The following GALNT2 variants were observed in gnomAD, a reference collection of about 807,000 sequenced individuals.
GALNT2 encodes the protein polypeptide N-acetylgalactosaminyltransferase 2.
Under a neutral mutation model 81.4 loss-of-function variants are expected in GALNT2, and 31 were observed. The observed-to-expected ratio is 0.38, with a 90% CI of 0.29 to 0.51. GALNT2 has a LOEUF of 0.51. GALNT2 is among the 20% of genes least tolerant of loss of function. GALNT2 has a pLI of 0.87. For missense variants in GALNT2, 629 were observed against 765.7 expected (o/e 0.82, Z 2.11); for synonymous variants, 303 against 287.4 (o/e 1.05, Z -0.55).
intron 1 of GALNT2, among the ~76,000 whole-genome samples, chr1:230,158,200 A>G (rs2102843576): frequency 6.6e-6 from 1 of 152,216 alleles, no homozygotes; most frequent in Non-Finnish European, 1.5e-5. Context: ...GCAGGGGGGC[A>G]GGATGAAGGG....
intron 1 of GALNT2, among the ~76,000 whole-genome samples, chr1:230,067,843 A>T (rs1035538154): frequency 6.6e-6 from 1 of 152,102 alleles, no homozygotes; most frequent in Admixed American, 6.5e-5. Flanking sequence ...CAGCCCTTTG[A>T]TACCAGCGGC....
At chr1:230,096,088 C>G (rs1660247475) in intron 1 of GALNT2, among the ~76,000 whole-genome samples, 1 of 152,184 alleles carries the variant, frequency 6.6e-6, no homozygotes. Flanking sequence ...CAGGGATTTG[C>G]CCTGCTGCAG....
In GALNT2 at chr1:230,220,066, A is replaced by G. The variant is rs1443879410; in HGVS notation, c.375-15948A>G. On this transcript the variant is annotated intron_variant, in intron 3 of 15. Transcript: ENST00000366672. ...TAAAAAAATATCTAGAGAGCTATTA[A>G]TGACATATACACAATTTGTGAAATA... is the stretch of plus-strand genomic sequence containing the variant. Among the ~76,000 whole-genome samples the G allele has an allele frequency of 3.3e-5, 5 of 152,362 alleles. No homozygotes were observed. In the South Asian group the frequency reaches 8.3e-4, roughly 25 times the overall value.
At position 230,236,698 on chromosome 1, in the gene GALNT2, C is replaced by T. The variant is rs750040941; in HGVS notation, c.580C>T (p.Arg194Ter). ...GALLGKIEKV[R>*]VLRNDRREGL... Reference sequence around the variant, plus strand: ...TCTCTTGGGGAAAATTGAGAAAGTGCGAGTTCTTAGAAATGATCGACGAGA... The same window carrying T: ...TCTCTTGGGGAAAATTGAGAAAGTGTGAGTTCTTAGAAATGATCGACGAGA... Residue 194 changes from arginine to a stop codon, truncating the protein, a stop_gained, in exon 6 of 16, where the codon CGA becomes TGA. Transcript: ENST00000366672. LOFTEE classifies it high-confidence loss of function. The T allele has an allele frequency of 3.7e-6, 6 of 1,613,612 alleles. No individual in the cohort carries two copies. Among genetic ancestry groups the T allele is most frequent in the Non-Finnish European group, 4.2e-6 (5 of 1,179,908 alleles).
At chr1:230,217,542 T>G (rs1184785232) in intron 3 of GALNT2, among the ~76,000 whole-genome samples, 1 of 152,216 alleles carries the variant, frequency 6.6e-6, no homozygotes, top group Non-Finnish European at 1.5e-5. Flanking sequence ...TGGCTTTGTC[T>G]CTGTCATAGT....
intron 1 of GALNT2, among the ~76,000 whole-genome samples, chr1:230,107,257 G>C (rs1660570133): frequency 6.6e-6 from 1 of 152,200 alleles, no homozygotes; most frequent in African/African-American, 2.4e-5. Context: ...CAGACTGGGA[G>C]GGATTCTACT....
In GALNT2 at chr1:230,174,757, C is replaced by T. The variant is rs145357830; in HGVS notation, c.127-3461C>T. Among the ~76,000 whole-genome samples, 14 of 152,288 alleles carry T rather than the reference C, an allele frequency of 9.2e-5. No homozygotes were observed. The East Asian group carries it at 2.7e-3, about 29-fold the overall frequency. ...CTCTCTTGTGCCCTCTAGTCTGCCC[C>T]CACCTTATAGCCATAGTGATATTTC... On this transcript the variant is annotated intron_variant, in intron 1 of 15. Coordinates refer to ENST00000366672, the MANE Select transcript of GALNT2 (RefSeq NM_004481.5).
intron 1 of GALNT2, among the ~76,000 whole-genome samples, chr1:230,059,845 G>A (rs1262737938): frequency 2.0e-5 from 3 of 151,956 alleles, no homozygotes; most frequent in African/African-American, 7.3e-5. Flanking sequence ...TGTATGTCAT[G>A]CCCCCTTAAC....
chr1:230,166,230 A>G (rs78938043), intron 1 of GALNT2, among the ~76,000 whole-genome samples: 1 of 152,252 alleles, frequency 6.6e-6, no homozygotes, highest in Admixed American at 6.5e-5. Flanking sequence ...AGCAAAGAAA[A>G]TGTTAATGAG....
intron 3 of GALNT2, among the ~76,000 whole-genome samples, chr1:230,205,635 T>C (rs1002677251): frequency 2.0e-5 from 3 of 152,300 alleles, no homozygotes; most frequent in Non-Finnish European, 4.4e-5. Flanking sequence ...CAGGGAGCCA[T>C]GCATGGGCTT....
rs1234040435 is a variant in GALNT2 at position 230,198,868 on chromosome 1, C to T, written c.221-4269C>T. On this transcript the variant is annotated intron_variant, in intron 2 of 15. Coordinates refer to ENST00000366672, the MANE Select transcript of GALNT2 (RefSeq NM_004481.5). ...CCTTATTTAATAAGCAAACTTTTCG[C>T]AGCCCTTTTTAGGATAATGCTCTCT... is the stretch of plus-strand genomic sequence containing the variant. 2.6e-5 allele frequency among the ~76,000 whole-genome samples: 4 copies of T among 152,158 alleles called. No homozygotes were observed. The East Asian group carries it at 7.7e-4, about 29-fold the overall frequency.
chr1:230,096,444 G>T (rs990646454), intron 1 of GALNT2, among the ~76,000 whole-genome samples: 1 of 152,120 alleles, frequency 6.6e-6, no homozygotes, highest in Non-Finnish European at 1.5e-5. Flanking sequence ...GGCCAGAGGT[G>T]TCTGCGTCTC....
intron 1 of GALNT2, among the ~76,000 whole-genome samples, chr1:230,105,307 G>T (rs1306443582): frequency 1.1e-4 from 17 of 152,194 alleles, no homozygotes; most frequent in Non-Finnish European, 2.1e-4. Flanking sequence ...GACTCAAGCT[G>T]GTTTTAGACA....
chr1:230,215,065 A>G (rs1664346612), intron 3 of GALNT2, among the ~76,000 whole-genome samples: 2 of 152,226 alleles, frequency 1.3e-5, no homozygotes, highest in African/African-American at 4.8e-5. Context: ...ACCTTAATCA[A>G]GTCTGGAATT....
chr1:230,087,582 A>G (rs576038845), intron 1 of GALNT2, among the ~76,000 whole-genome samples: 5 of 152,354 alleles, frequency 3.3e-5, no homozygotes, highest in African/African-American at 1.2e-4. Flanking sequence ...AGACTGATTC[A>G]GTCAGAATGT....
intron 1 of GALNT2, among the ~76,000 whole-genome samples, chr1:230,172,882 T>C (rs924055435): frequency 5.3e-5 from 8 of 152,246 alleles, no homozygotes; most frequent in Admixed American, 1.3e-4. Context: ...GTCATTGCTA[T>C]TTTATGTACT....
intron 1 of GALNT2, among the ~76,000 whole-genome samples, chr1:230,157,586 G>T (rs550754756): frequency 6.6e-6 from 1 of 152,318 alleles, no homozygotes; most frequent in Non-Finnish European, 1.5e-5. Flanking sequence ...CCCACGACTG[G>T]GGAATGGATG....
At chr1:230,241,038 G>A (rs1050033294) in intron 6 of GALNT2, among the ~76,000 whole-genome samples, 8 of 152,184 alleles carry the variant, frequency 5.3e-5, no homozygotes, top group African/African-American at 1.9e-4. Context: ...TTTAAGTTCT[G>A]GAATACCCAT....
At chr1:230,082,507 G>A (rs1304034402) in intron 1 of GALNT2, among the ~76,000 whole-genome samples, 2 of 152,198 alleles carry the variant, frequency 1.3e-5, no homozygotes, top group Non-Finnish European at 2.9e-5. Context: ...GATCTCCAAT[G>A]TGCCATTCCT....
Sources: gnomAD v4.1 joint callset for allele counts (sites outside exome capture counted in the v4.1 genomes callset) on GRCh38, gnomAD v4.1.1 for gene constraint, MANE v1.5 for transcripts, NCBI Gene and HGNC (gene_info 2026-07-23, HGNC 2026-07-21) for gene names.